Variants in CDS2 observed in about 807,000 individuals in gnomAD.
CDS2 encodes the protein phosphatidate cytidylyltransferase 2.
Under a neutral mutation model 59.0 loss-of-function variants are expected in CDS2, and 47 were observed. The observed-to-expected ratio is 0.80, with a 90% CI of 0.63 to 1.02. The LOEUF (loss-of-function observed/expected upper bound fraction) is 1.02, where lower values mean the gene tolerates loss of function less well. CDS2 is among the 50% of genes least tolerant of loss of function. The pLI is 0.00. For synonymous variants in CDS2, 207 were observed against 206.4 expected (o/e 1.00, Z -0.02); for missense variants, 356 against 558.9 (o/e 0.64, Z 3.66).
At chr20:5,173,712 A>C (rs1025247389) in intron 2 of CDS2, 53 bp downstream of exon 2, 20 of 1,605,242 alleles carry the variant, frequency 1.2e-5, no homozygotes, top group Non-Finnish European at 1.5e-5. Context: ...ACCATGTCCA[A>C]GTGCCCTGGA....
chr20:5,142,378 T>G (rs1600474647), intron 1 of CDS2, among the ~76,000 whole-genome samples: 1 of 151,490 alleles, frequency 6.6e-6, no homozygotes, highest in Admixed American at 6.6e-5. Flanking sequence ...ACCCAGGAGG[T>G]GGAGGTTGCA....
At chr20:5,148,213 G>A (rs962456996) in intron 1 of CDS2, among the ~76,000 whole-genome samples, 1 of 152,156 alleles carries the variant, frequency 6.6e-6, no homozygotes, top group African/African-American at 2.4e-5. Flanking sequence ...CTCCTCCTTA[G>A]ATGCTGCAAA....
At position 5,157,507 on chromosome 20, in the gene CDS2, G is replaced by A. The variant is rs140520685; in HGVS notation, c.58-16016G>A. 7.0e-3 allele frequency among the ~76,000 whole-genome samples: 1,068 copies of A among 152,288 alleles called. 5 individuals carry two copies. Among genetic ancestry groups the A allele is most frequent in the Non-Finnish European group, 0.01 (710 of 68,016 alleles). On this transcript the variant is annotated intron_variant, in intron 1 of 12. Transcript: ENST00000460006. ...CCTGGGGCCTGGGCAGGGAAAGAGAGGCCATGTCTCAGTCTGTTTGGGCTA... is the reference window on the plus strand; with the variant it reads ...CCTGGGGCCTGGGCAGGGAAAGAGAAGCCATGTCTCAGTCTGTTTGGGCTA...
Position 5,178,968 on chromosome 20 carries a change from G to A in CDS2, c.529+12G>A. 1 of 1,612,636 alleles carries A rather than the reference G, an allele frequency of 6.2e-7. No homozygotes were observed. The highest frequency in any genetic ancestry group is 2.2e-5 in the East Asian group (1 of 44,854). ...TCTCTATCTAATAGGTATGCATTAA[G>A]CAGTTCACCATTTCTTGTGTCTGTA... On this transcript the variant is annotated intron_variant, in intron 5 of 12. Transcript: ENST00000460006.
intron 1 of CDS2, among the ~76,000 whole-genome samples, chr20:5,136,817 G>A (rs2090653495): frequency 6.6e-6 from 1 of 152,050 alleles, no homozygotes; most frequent in East Asian, 1.9e-4. Context: ...AGGTTCAGGG[G>A]ATACATGTGC....
At chr20:5,144,962 G>A (rs2090727711) in intron 1 of CDS2, among the ~76,000 whole-genome samples, 1 of 152,116 alleles carries the variant, frequency 6.6e-6, no homozygotes, top group African/African-American at 2.4e-5. Context: ...ATGCCCAGTA[G>A]TCTCCTTCTT....
intron 1 of CDS2, among the ~76,000 whole-genome samples, chr20:5,159,761 A>G (rs1168377606): frequency 7.2e-5 from 11 of 152,184 alleles, no homozygotes; most frequent in South Asian, 4.1e-4. Context: ...TTTTTCTAGT[A>G]ATTTTTAGGT....
chr20:5,132,960 C>T (rs1477139516), intron 1 of CDS2, among the ~76,000 whole-genome samples: 2 of 150,954 alleles, frequency 1.3e-5, no homozygotes, highest in Non-Finnish European at 3.0e-5. Context: ...ATCACGAGGT[C>T]AGGACATTGA....
At chr20:5,172,997 T>C (rs1421204651) in intron 1 of CDS2, among the ~76,000 whole-genome samples, 4 of 152,298 alleles carry the variant, frequency 2.6e-5, no homozygotes, top group Admixed American at 2.0e-4. Flanking sequence ...TGGAGTAGGC[T>C]GTCTGGTTCG....
At chr20:5,149,066 A>G (rs1443328404) in intron 1 of CDS2, among the ~76,000 whole-genome samples, 2 of 151,684 alleles carry the variant, frequency 1.3e-5, no homozygotes, top group South Asian at 2.1e-4. Context: ...GCTGGAGTGC[A>G]GTGGCACGAT....
intron 1 of CDS2, among the ~76,000 whole-genome samples, chr20:5,135,923 C>T (rs907463096): frequency 1.3e-5 from 2 of 152,286 alleles, no homozygotes; most frequent in East Asian, 3.8e-4. Flanking sequence ...AGGACCTGAC[C>T]TGTCCTACCA....
At chr20:5,133,107 G>A (rs2090621375) in intron 1 of CDS2, among the ~76,000 whole-genome samples, 1 of 151,586 alleles carries the variant, frequency 6.6e-6, no homozygotes, top group South Asian at 2.1e-4. Flanking sequence ...CCCGGGAGGC[G>A]GAGCTTGCAG....
chr20:5,174,580 C>T (rs962582004), intron 2 of CDS2, among the ~76,000 whole-genome samples: 2 of 152,022 alleles, frequency 1.3e-5, no homozygotes, highest in African/African-American at 4.8e-5. Context: ...AAAAAATTAG[C>T]TGGGTGTGGT....
At chr20:5,170,120 T>C (rs2090944533) in intron 1 of CDS2, among the ~76,000 whole-genome samples, 1 of 152,180 alleles carries the variant, frequency 6.6e-6, no homozygotes, top group African/African-American at 2.4e-5. Context: ...CCTTCGCCGC[T>C]GAAGACCAGA....
At chr20:5,140,965 T>G (rs2090688638) in intron 1 of CDS2, among the ~76,000 whole-genome samples, 1 of 152,238 alleles carries the variant, frequency 6.6e-6, no homozygotes. Context: ...ATTTCCTGGC[T>G]TATAATTCTG....
intron 8 of CDS2, among the ~76,000 whole-genome samples, chr20:5,185,553 G>A (rs1049404711): frequency 2.0e-5 from 3 of 152,072 alleles, no homozygotes; most frequent in Non-Finnish European, 4.4e-5. Context: ...AAAACTATTC[G>A]AATGACTGAT....
chr20:5,184,931 AC>A lies in CDS2; in HGVS notation c.749del (p.Pro250HisfsTer31). On this transcript the variant is annotated frameshift_variant, in exon 8 of 13. Coordinates refer to ENST00000460006, the MANE Select transcript of CDS2 (RefSeq NM_003818.4). LOFTEE classifies it high-confidence loss of function. This position sits in a 1 kb window ranked among gnomAD's most constrained non-coding sequence, Gnocchi z 4.3. ...AYMFGFFFGR[T>X]PLIKLSPKKT... ...TATGTTTGGCTTTTTCTTTGGTCGG[AC>A]CCCACTCATCAAGGTAAATGGATTA... 1 of 1,612,372 alleles carries A rather than the reference AC, an allele frequency of 6.2e-7. No homozygotes were observed. Among genetic ancestry groups the A allele is most frequent in the Non-Finnish European group, 8.5e-7 (1 of 1,178,594 alleles).
intron 9 of CDS2, among the ~76,000 whole-genome samples, chr20:5,186,446 C>T (rs946954602): frequency 3.9e-5 from 6 of 151,934 alleles, no homozygotes; most frequent in Non-Finnish European, 7.4e-5. Context: ...TCAGGTTTTC[C>T]CGGATTCTTT....
intron 1 of CDS2, among the ~76,000 whole-genome samples, chr20:5,163,271 A>G (rs920325586): frequency 4.6e-5 from 7 of 151,894 alleles, no homozygotes; most frequent in African/African-American, 1.7e-4. Context: ...ATTTTTATTT[A>G]TTTTTTTGAG....
Sources: allele counts gnomAD v4.1 joint callset (sites outside exome capture counted in the v4.1 genomes callset), GRCh38; gene constraint gnomAD v4.1.1; non-coding constraint Gnocchi (gnomAD v3.1); transcripts MANE v1.5; gene names NCBI Gene and HGNC (gene_info 2026-07-23, HGNC 2026-07-21).